Variants in NAV2 observed in about 807,000 individuals in gnomAD.
NAV2 encodes the protein neuron navigator 2, also known as helicase, APC down-regulated 1.
A neutral mutation model predicts 223.2 loss-of-function variants in NAV2; 54 were observed. The observed-to-expected ratio is 0.24, with a 90% CI of 0.19 to 0.30. The LOEUF (loss-of-function observed/expected upper bound fraction) is 0.30, where lower values mean the gene tolerates loss of function less well. Ranked by LOEUF, NAV2 falls within the 10% of genes least tolerant of loss-of-function variation. NAV2 has a pLI of 1.00. For missense variants in NAV2, 2,806 were observed against 3,147.5 expected (o/e 0.89, Z 2.60); for synonymous variants, 1,279 against 1,239.3 (o/e 1.03, Z -0.67).
intron 19 of NAV2, among the ~76,000 whole-genome samples, chr11:20,061,667 AAAG>A (rs1251235964): frequency 2.7e-4 from 41 of 152,332 alleles, no homozygotes; most frequent in African/African-American, 8.4e-4. Flanking sequence ...TTGAAACAGA[AAAG>A]AAGACACCAC....
chr11:19,862,289 C>T (rs1210678220), intron 3 of NAV2, among the ~76,000 whole-genome samples: 1 of 152,166 alleles, frequency 6.6e-6, no homozygotes, highest in Non-Finnish European at 1.5e-5. Context: ...ATAACACTGC[C>T]AAATTAAAGG....
chr11:20,064,435 G>T (rs950627524), intron 20 of NAV2, among the ~76,000 whole-genome samples: 1 of 152,210 alleles, frequency 6.6e-6, no homozygotes, highest in East Asian at 1.9e-4. Context: ...GCCCAGCCCC[G>T]TGTTTTCCCT....
intron 1 of NAV2, among the ~76,000 whole-genome samples, chr11:19,378,350 G>GC (rs1305894023): frequency 6.6e-6 from 1 of 152,074 alleles, no homozygotes; most frequent in Non-Finnish European, 1.5e-5. Context: ...TTACCCCCCT[G>GC]CCCTGAGTTT....
At chr11:19,941,156 T>G (rs1194737525) in intron 8 of NAV2, among the ~76,000 whole-genome samples, 2 of 152,152 alleles carry the variant, frequency 1.3e-5, no homozygotes, top group Non-Finnish European at 2.9e-5. Flanking sequence ...CAAATATTAC[T>G]TAGATTTCAG....
chr11:19,849,895 A>G (rs1010292654), intron 3 of NAV2, among the ~76,000 whole-genome samples: 6 of 151,982 alleles, frequency 3.9e-5, no homozygotes, highest in Non-Finnish European at 7.4e-5. Context: ...GGTGGCAACA[A>G]CCTCCACGTC....
intron 1 of NAV2, among the ~76,000 whole-genome samples, chr11:19,452,085 G>C (rs1265415022): frequency 6.6e-6 from 1 of 151,156 alleles, no homozygotes; most frequent in African/African-American, 2.4e-5. Flanking sequence ...GCAACACCTG[G>C]TCAGTTCTAT....
chr11:19,779,534 G>A lies in NAV2; in HGVS notation c.268-52950G>A, dbSNP rs115050257. ...GAGCACAGCCTTGGTGCCTGTGTTC[G>A]TTGTGAAAGATTTTGCTTGCAGATG... On this transcript the variant is annotated intron_variant, in intron 1 of 37. Transcript: ENST00000349880. 5.2e-3 allele frequency among the ~76,000 whole-genome samples: 792 copies of A among 152,296 alleles called. 5 individuals are homozygous for A. Among genetic ancestry groups the A allele is most frequent in the East Asian group, 0.029 (149 of 5,186 alleles).
chr11:19,453,790 T>C (rs1430742700), intron 1 of NAV2, among the ~76,000 whole-genome samples: 1 of 152,170 alleles, frequency 6.6e-6, no homozygotes, highest in Non-Finnish European at 1.5e-5. Context: ...TTTAAATGAC[T>C]CTGTTAGGTT....
At chr11:19,959,307 G>A (rs909249002) in intron 10 of NAV2, among the ~76,000 whole-genome samples, 10 of 152,166 alleles carry the variant, frequency 6.6e-5, no homozygotes, top group African/African-American at 1.4e-4. Context: ...AACTCAGGGC[G>A]CAGAGGGGAA....
chr11:19,520,392 C>T (rs1397777687), intron 1 of NAV2, among the ~76,000 whole-genome samples: 3 of 152,236 alleles, frequency 2.0e-5, no homozygotes, highest in Non-Finnish European at 4.4e-5. Context: ...GATGCCCTGC[C>T]AACCCTGAGG....
intron 1 of NAV2, among the ~76,000 whole-genome samples, chr11:19,638,309 A>G (rs2047561548): frequency 6.6e-6 from 1 of 152,220 alleles, no homozygotes; most frequent in Non-Finnish European, 1.5e-5. Context: ...AGTAAGTAAA[A>G]CCCAGGGACC....
intron 12 of NAV2, among the ~76,000 whole-genome samples, chr11:20,042,317 G>C (rs899851207): frequency 7.2e-5 from 11 of 152,170 alleles, no homozygotes; most frequent in Non-Finnish European, 1.2e-4. Flanking sequence ...CCTGAAAAGC[G>C]TGTGTTCCTT....
chr11:19,481,585 A>C (rs1247229376), intron 1 of NAV2, among the ~76,000 whole-genome samples: 1 of 152,220 alleles, frequency 6.6e-6, no homozygotes. Flanking sequence ...TCTGTAAAAC[A>C]GGATAAATAG....
intron 26 of NAV2, among the ~76,000 whole-genome samples, chr11:20,090,414 G>C (rs2060757550): frequency 6.6e-6 from 1 of 152,036 alleles, no homozygotes; most frequent in South Asian, 2.1e-4. Context: ...AAGCCATTCT[G>C]ATTGCCAGAG....
At chr11:19,619,842 A>G (rs10833137) in intron 1 of NAV2, among the ~76,000 whole-genome samples, 19,136 of 152,132 alleles carry the variant, frequency 0.13, 3,313 homozygotes, top group African/African-American at 0.39. Flanking sequence ...GCCCACGCCT[A>G]TGTCCTGAAT....
intron 1 of NAV2, among the ~76,000 whole-genome samples, chr11:19,586,853 T>G (rs1279195817): frequency 1.3e-5 from 2 of 152,226 alleles, no homozygotes; most frequent in Non-Finnish European, 2.9e-5. Flanking sequence ...GCAGTCTGTC[T>G]GTTCTCAGAT....
intron 1 of NAV2, among the ~76,000 whole-genome samples, chr11:19,787,882 T>G (rs1212117317): frequency 6.6e-6 from 1 of 152,148 alleles, no homozygotes; most frequent in Non-Finnish European, 1.5e-5. Context: ...TCTTTCATAA[T>G]TTAGCTAGCA....
At chr11:19,938,294 C>T (rs1335348128) in intron 7 of NAV2, among the ~76,000 whole-genome samples, 1 of 151,952 alleles carries the variant, frequency 6.6e-6, no homozygotes, top group Non-Finnish European at 1.5e-5. Context: ...GTAGACCAAA[C>T]TTAGGAAGAG....
Position 19,931,968 on chromosome 11 carries a change from A to AG in NAV2, c.932-1206dup, listed in dbSNP as rs199837687. Among the ~76,000 whole-genome samples the AG allele has an allele frequency of 3.2e-3, 485 of 152,278 alleles. 17 individuals carry two copies. The South Asian group carries it at 0.066, about 21-fold the overall frequency. On this transcript the variant is annotated intron_variant, in intron 6 of 37. Coordinates refer to ENST00000349880, the MANE Select transcript of NAV2 (RefSeq NM_145117.5). ...CAACAGCTGTCCTTCCTTGAGAGATAGGCTGCATCATCCGGGGCACTGACT... is the reference window on the plus strand; with the variant it reads ...CAACAGCTGTCCTTCCTTGAGAGATAGGGCTGCATCATCCGGGGCACTGACT...
Sources: allele counts gnomAD v4.1 joint callset (sites outside exome capture counted in the v4.1 genomes callset), GRCh38; gene constraint gnomAD v4.1.1; transcripts MANE v1.5; gene names NCBI Gene and HGNC (gene_info 2026-07-23, HGNC 2026-07-21).